PPP1R12B: variants seen among roughly 807,000 people sequenced by gnomAD.
PPP1R12B encodes the protein myosin phosphatase target subunit 2.
PPP1R12B carries 76 observed loss-of-function variants against 126.1 expected under a neutral mutation model. The observed-to-expected ratio is 0.60, with a 90% confidence interval of 0.50 to 0.73. The LOEUF (loss-of-function observed/expected upper bound fraction) is 0.73. Ranked by LOEUF, PPP1R12B falls within the 30% of genes least tolerant of loss-of-function variation. The probability of loss-of-function intolerance (pLI) is 0.00; values close to 1 mark genes in which losing one functional copy is unlikely to be tolerated. For synonymous variants in PPP1R12B, 356 were observed against 434.7 expected (o/e 0.82, Z 2.25); for missense variants, 1,052 against 1,205.1 (o/e 0.87, Z 1.88).
intron 9 of PPP1R12B, 66 bp downstream of exon 9, chr1:202,434,834 G>A: frequency 6.3e-7 from 1 of 1,578,996 alleles, no homozygotes; most frequent in Non-Finnish European, 8.5e-7. Flanking sequence ...CATCTAGAAA[G>A]GCCTTAAAGG....
intron 10 of PPP1R12B, chr1:202,439,533 G>A: frequency 6.5e-7 from 1 of 1,527,224 alleles, no homozygotes; most frequent in South Asian, 1.2e-5. Flanking sequence ...CTTGGGGGGT[G>A]TGGCGCTCTC....
chr1:202,454,638 A>G (rs1052291894), intron 13 of PPP1R12B, among the ~76,000 whole-genome samples: 1 of 152,210 alleles, frequency 6.6e-6, no homozygotes, highest in African/African-American at 2.4e-5. Context: ...TGCTGACAGA[A>G]GACTTCCCTT....
At chr1:202,509,357 G>A (rs964625458) in intron 18 of PPP1R12B, among the ~76,000 whole-genome samples, 6 of 152,176 alleles carry the variant, frequency 3.9e-5, no homozygotes, top group African/African-American at 1.4e-4. Context: ...GAGAGGGGGA[G>A]TTGCTTCCAT....
Position 202,391,227 on chromosome 1 carries a change from A to G in PPP1R12B, c.292-25560A>G, listed in dbSNP as rs910541405. On this transcript the variant is annotated intron_variant, in intron 1 of 23. Coordinates refer to ENST00000608999, the MANE Select transcript of PPP1R12B (RefSeq NM_002481.4). Reference sequence around the variant, plus strand: ...ATTAAAAAATGGACAAATAATCTAAATAGACATGCCTCTAAGGAAGATACA... The same window carrying G: ...ATTAAAAAATGGACAAATAATCTAAGTAGACATGCCTCTAAGGAAGATACA... Among the ~76,000 whole-genome samples, 28 of 152,212 alleles carry G rather than the reference A, an allele frequency of 1.8e-4. 1 individual carries two copies. Among genetic ancestry groups the G allele is most frequent in the Non-Finnish European group, 8.8e-5 (6 of 68,030 alleles).
At chr1:202,361,094 C>T (rs573917061) in intron 1 of PPP1R12B, among the ~76,000 whole-genome samples, 3 of 151,954 alleles carry the variant, frequency 2.0e-5, no homozygotes, top group Non-Finnish European at 2.9e-5. Flanking sequence ...GAGGTTTCAC[C>T]GTGTTAGCCA....
chr1:202,446,655 A>G (rs186662709), intron 12 of PPP1R12B, among the ~76,000 whole-genome samples: 1 of 151,240 alleles, frequency 6.6e-6, no homozygotes, highest in East Asian at 1.9e-4. Context: ...AGAGAAAATA[A>G]TTACAGCTGC....
chr1:202,417,274 A>G (rs907292840), intron 2 of PPP1R12B: 2 of 985,226 alleles, frequency 2.0e-6, no homozygotes, highest in African/African-American at 1.7e-5. Context: ...TTGTAAACCT[A>G]TTTCACTGTT....
At chr1:202,432,262 C>G (rs1192879360) in intron 8 of PPP1R12B, among the ~76,000 whole-genome samples, 2 of 151,764 alleles carry the variant, frequency 1.3e-5, no homozygotes, top group Non-Finnish European at 1.5e-5. Flanking sequence ...ATATATACCT[C>G]ATATAGGGCT....
chr1:202,360,209 TATGTACTTCC>T (rs1409962784), intron 1 of PPP1R12B, among the ~76,000 whole-genome samples: 1 of 152,208 alleles, frequency 6.6e-6, no homozygotes, highest in African/African-American at 2.4e-5. Context: ...TAAGTGGTGG[TATGTACTTCC>T]ATGAGAAGGC....
Position 202,592,569 on chromosome 1 carries a change from A to G in PPP1R12B, c.*12009A>G, listed in dbSNP as rs892533938. The stretch of plus-strand genomic sequence containing the variant: ...ATCTTGATTAAACAAGATTCTGTTC[A>G]TATGTTTCTAGGTAATTATCTTCTT... On this transcript the variant is annotated 3_prime_UTR_variant, in exon 24 of 24. Transcript: ENST00000608999. 2.0e-5 allele frequency: 3 copies of G among 152,248 alleles called. No homozygotes were observed. The highest frequency in any genetic ancestry group is 4.4e-5 in the Non-Finnish European group (3 of 68,046). 9.4% of individuals were successfully genotyped at this position (152,248 alleles called of 1,614,324 possible). A position where few individuals can be genotyped will look rare whatever the true frequency, so the allele number is the denominator to read the frequency against.
chr1:202,385,814 G>GTTTT (rs1468239879), intron 1 of PPP1R12B, among the ~76,000 whole-genome samples: 1 of 152,068 alleles, frequency 6.6e-6, no homozygotes, highest in Non-Finnish European at 1.5e-5. Flanking sequence ...GTTTTGTTTT[G>GTTTT]TTTTGCTTTT....
rs1333816280 is a variant in PPP1R12B at position 202,358,611 on chromosome 1, G to A, written c.291+9469G>A. Among the ~76,000 whole-genome samples the A allele has an allele frequency of 2.0e-5, 3 of 151,808 alleles. No individual in the cohort carries two copies. In the East Asian group the frequency reaches 5.8e-4, roughly 29 times the overall value. On this transcript the variant is annotated intron_variant, in intron 1 of 23. Coordinates refer to ENST00000608999, the MANE Select transcript of PPP1R12B (RefSeq NM_002481.4). ...GCAGGAGAATCACTTGAACCCGGGA[G>A]GTGGAGGTTGCAGTGAGCCAAGGTG...
Position 202,437,908 on chromosome 1 carries a change from C to T in PPP1R12B, c.1342C>T (p.His448Tyr). ...ATTGGGACTGAGAAAAACTGGCAGC[C>T]ACAACATGCTGAGTGAGGTGGCCAA... ...WRLGLRKTGS[H>Y]NMLSEVANSR... The change falls in exon 10 of 24, where the codon CAC (histidine) becomes TAC (tyrosine). Residue 448 changes from histidine to tyrosine, a missense_variant. His to Tyr is a moderately conservative substitution (Grantham distance 83). Transcript: ENST00000608999. The T allele has an allele frequency of 6.2e-7, 1 of 1,613,960 alleles. No homozygotes were observed. Among genetic ancestry groups the T allele is most frequent in the Non-Finnish European group, 8.5e-7 (1 of 1,179,882 alleles).
chr1:202,353,195 A>G (rs141400390), intron 1 of PPP1R12B, among the ~76,000 whole-genome samples: 258 of 152,326 alleles, frequency 1.7e-3, no homozygotes, highest in Middle Eastern at 3.4e-3. Flanking sequence ...TTTGTGTGCT[A>G]ACTCATATGG....
chr1:202,414,467 C>G (rs1473431322), intron 1 of PPP1R12B, among the ~76,000 whole-genome samples: 1 of 152,154 alleles, frequency 6.6e-6, no homozygotes, highest in Non-Finnish European at 1.5e-5. Flanking sequence ...AATCTAAATA[C>G]ATTTCATTAT....
At chr1:202,462,849 A>G in intron 13 of PPP1R12B, 1 of 985,352 alleles carries the variant, frequency 1.0e-6, no homozygotes, top group Non-Finnish European at 1.2e-6. Context: ...GTTGCTGCAC[A>G]AGTGTGTGGC....
intron 9 of PPP1R12B, among the ~76,000 whole-genome samples, chr1:202,436,687 G>A (rs528930895): frequency 6.6e-6 from 1 of 152,124 alleles, no homozygotes; most frequent in Non-Finnish European, 1.5e-5. Flanking sequence ...TAAGGACAAT[G>A]TAAGCTTTCC....
Position 202,446,256 on chromosome 1 carries a change from A to ATTTTTTT in PPP1R12B, c.1668-2724_1668-2718dup, listed in dbSNP as rs71142531. Among the ~76,000 whole-genome samples the ATTTTTTT allele has an allele frequency of 2.2e-3, 121 of 54,328 alleles. 2 individuals are homozygous for ATTTTTTT. The highest frequency in any genetic ancestry group is 7.7e-3 in the African/African-American group (108 of 14,066). 35.6% of individuals were successfully genotyped at this position (54,328 alleles called of 152,430 possible). The stretch of plus-strand genomic sequence containing the variant: ...TCTCTCTATATATATATATATATAT[A>ATTTTTTT]TTTTTTTTTTTTTTTGAGATGGAAT... On this transcript the variant is annotated intron_variant, in intron 12 of 23. Coordinates refer to ENST00000608999, the MANE Select transcript of PPP1R12B (RefSeq NM_002481.4).
At chr1:202,439,735 C>A in intron 10 of PPP1R12B, 1 of 565,158 alleles carries the variant, frequency 1.8e-6, no homozygotes, top group Non-Finnish European at 3.2e-6. Flanking sequence ...GGGACTGAGG[C>A]CCTCTAGGAG....
Sources: allele counts gnomAD v4.1 joint callset (sites outside exome capture counted in the v4.1 genomes callset), GRCh38; gene constraint gnomAD v4.1.1; transcripts MANE v1.5; gene names NCBI Gene and HGNC (gene_info 2026-07-23, HGNC 2026-07-21).